The following FHOD3 variants were observed in gnomAD, a reference collection of about 807,000 sequenced individuals.
FHOD3 encodes FH1/FH2 domain-containing protein 3.
Under a neutral mutation model 173.0 loss-of-function variants are expected in FHOD3, and 90 were observed. The ratio of observed to expected loss-of-function variants is 0.52; its 90% CI spans 0.44 to 0.62. The LOEUF (loss-of-function observed/expected upper bound fraction) is 0.62, where lower values mean the gene tolerates loss of function less well. Among genes scored for constraint, FHOD3 ranks in the 20% least tolerant of loss-of-function variants. FHOD3 has a pLI of 0.00. For missense variants in FHOD3, 1,945 were observed against 2,034.7 expected (o/e 0.96, Z 0.85); for synonymous variants, 828 against 823.0 (o/e 1.01, Z -0.10).
intron 5 of FHOD3, among the ~76,000 whole-genome samples, chr18:36,569,183 G>A (rs2058372432): frequency 6.6e-6 from 1 of 152,024 alleles, no homozygotes; most frequent in Non-Finnish European, 1.5e-5. Context: ...TTAAAAGACA[G>A]ACATTAATGA....
intron 19 of FHOD3, among the ~76,000 whole-genome samples, chr18:36,724,076 GTCT>G (rs2040927083): frequency 6.6e-6 from 1 of 152,174 alleles, no homozygotes; most frequent in South Asian, 2.1e-4. Flanking sequence ...TCAAGTTTGA[GTCT>G]TTACTTGCAG....
intron 27 of FHOD3, among the ~76,000 whole-genome samples, chr18:36,769,049 C>T (rs571661123): frequency 9.0e-4 from 137 of 152,292 alleles, no homozygotes; most frequent in Middle Eastern, 6.8e-3. Flanking sequence ...TGGGTTTGCT[C>T]AGAGCCTGCA....
intron 6 of FHOD3, among the ~76,000 whole-genome samples, chr18:36,592,657 C>T (rs1342460037): frequency 6.6e-6 from 1 of 152,168 alleles, no homozygotes; most frequent in Non-Finnish European, 1.5e-5. Context: ...AGCACTTAGG[C>T]TCTTCCAGCA....
intron 3 of FHOD3, among the ~76,000 whole-genome samples, chr18:36,430,252 T>C (rs986726709): frequency 3.3e-5 from 5 of 152,254 alleles, no homozygotes; most frequent in African/African-American, 1.2e-4. Flanking sequence ...ATTTTGGTCT[T>C]GTTGCCCAGT....
At chr18:36,354,171 C>T (rs1198367313) in intron 1 of FHOD3, among the ~76,000 whole-genome samples, 1 of 152,190 alleles carries the variant, frequency 6.6e-6, no homozygotes, top group Non-Finnish European at 1.5e-5. Flanking sequence ...TTGATACAAG[C>T]TGCATTTTGC....
chr18:36,653,018 C>T, intron 12 of FHOD3, 89 bp downstream of exon 12: 2 of 1,436,550 alleles, frequency 1.4e-6, no homozygotes, highest in South Asian at 1.5e-5. Context: ...TGGCTTCTGC[C>T]ATGTTTTTTT....
chr18:36,547,021 C>G (rs1959850250), intron 5 of FHOD3, among the ~76,000 whole-genome samples: 1 of 152,202 alleles, frequency 6.6e-6, no homozygotes, highest in African/African-American at 2.4e-5. Context: ...AGCGCTGACC[C>G]CGCTGAGGGT....
In FHOD3 at chr18:36,622,696, G is replaced by A. The variant is rs77338431; in HGVS notation, c.958-2815G>A. Among the ~76,000 whole-genome samples the A allele has an allele frequency of 8.4e-3, 1,281 of 152,236 alleles. 9 individuals are homozygous for A. Among genetic ancestry groups the A allele is most frequent in the African/African-American group, 0.03 (1,226 of 41,530 alleles). On this transcript the variant is annotated intron_variant, in intron 9 of 28. Transcript: ENST00000590592. ...TACTCATTGCGCTGTATTTGATTAG[G>A]TCTGACTCTTACCACATGTCCTAAA... is the stretch of plus-strand genomic sequence containing the variant.
intron 19 of FHOD3, 101 bp from the exon 20 acceptor site, chr18:36,730,545 T>C: frequency 2.5e-6 from 3 of 1,205,840 alleles, no homozygotes; most frequent in Non-Finnish European, 3.5e-6. Flanking sequence ...TGGGGCCATT[T>C]GTTTTCATCT....
chr18:36,626,710 T>C (rs116447277), intron 10 of FHOD3, among the ~76,000 whole-genome samples: 2 of 152,170 alleles, frequency 1.3e-5, no homozygotes, highest in Admixed American at 6.5e-5. Flanking sequence ...ATAGAGATCC[T>C]CCTGGGAGTC....
chr18:36,718,340 TC>T lies in FHOD3; in HGVS notation c.3043del (p.His1015ThrfsTer53), dbSNP rs1159541001. On this transcript the variant is annotated frameshift_variant, in exon 19 of 29. Coordinates refer to ENST00000590592, the MANE Select transcript of FHOD3 (RefSeq NM_001281740.3). LOFTEE classifies it high-confidence loss of function. ...DIDVLDVDLG[H>X]REAPGPPPPP... ...TTGATGTCCTAGATGTGGACCTGGG[TC>T]ACAGGGAGGCCCCTGGGCCACCTCC... The T allele has an allele frequency of 6.2e-7, 1 of 1,613,434 alleles. No individual in the cohort carries two copies. The highest frequency in any genetic ancestry group is 1.7e-5 in the Admixed American group (1 of 60,014).
At chr18:36,721,812 T>C (rs1323717547) in intron 19 of FHOD3, among the ~76,000 whole-genome samples, 2 of 152,186 alleles carry the variant, frequency 1.3e-5, no homozygotes, top group Admixed American at 1.3e-4. Context: ...GGCTCAGAAA[T>C]TTTTAAATTA....
In FHOD3 at chr18:36,625,495, T is replaced by G. The variant is rs761691905; in HGVS notation, c.958-16T>G. On this transcript the variant is annotated splice_polypyrimidine_tract_variant and intron_variant, in intron 9 of 28. Transcript: ENST00000590592. ...GCCAAGCCTGACCTTGCACTGGGCGTGCTCTGCTTTTCCAGGTGGCGCTCA... is the reference window on the plus strand; with the variant it reads ...GCCAAGCCTGACCTTGCACTGGGCGGGCTCTGCTTTTCCAGGTGGCGCTCA... The G allele has an allele frequency of 7.1e-7, 1 of 1,406,748 alleles. No individual in the cohort carries two copies. The highest frequency in any genetic ancestry group is 9.4e-7 in the Non-Finnish European group (1 of 1,065,402). 87.1% of individuals were successfully genotyped at this position (1,406,748 alleles called of 1,614,324 possible). A position where few individuals can be genotyped will look rare whatever the true frequency, so the allele number is the denominator to read the frequency against.
chr18:36,400,812 T>C (rs1044142811), intron 3 of FHOD3, among the ~76,000 whole-genome samples: 2 of 152,032 alleles, frequency 1.3e-5, no homozygotes, highest in Non-Finnish European at 2.9e-5. Flanking sequence ...TCTTTTTCTC[T>C]CCATGGACAG....
chr18:36,315,866 C>T (rs1017148026), intron 1 of FHOD3, among the ~76,000 whole-genome samples: 7 of 152,140 alleles, frequency 4.6e-5, no homozygotes, highest in Admixed American at 1.3e-4. Flanking sequence ...TGATTGGTGT[C>T]TGTGACTCCT....
chr18:36,768,226 G>A (rs906844063), intron 27 of FHOD3, among the ~76,000 whole-genome samples: 27 of 152,272 alleles, frequency 1.8e-4, no homozygotes, highest in African/African-American at 6.0e-4. Flanking sequence ...ATTCACTATC[G>A]TATAGAAGAG....
At chr18:36,321,011 A>C (rs995457222) in intron 1 of FHOD3, among the ~76,000 whole-genome samples, 4 of 152,082 alleles carry the variant, frequency 2.6e-5, no homozygotes, top group African/African-American at 9.7e-5. Context: ...CTCATCTGCA[A>C]AATGAGAAAA....
intron 5 of FHOD3, among the ~76,000 whole-genome samples, chr18:36,519,955 A>ATT (rs11449846): frequency 0.32 from 41,628 of 131,986 alleles, 7,276 homozygotes; most frequent in Non-Finnish European, 0.39. Context: ...CTTTTCTTTC[A>ATT]TTTTTTTTTT....
intron 3 of FHOD3, among the ~76,000 whole-genome samples, chr18:36,491,986 G>T (rs1202732691): frequency 6.6e-6 from 1 of 152,120 alleles, no homozygotes; most frequent in Non-Finnish European, 1.5e-5. Context: ...TGGTAGAGTA[G>T]GGCTATGTAT....
Sources: gnomAD v4.1 joint callset for allele counts (sites outside exome capture counted in the v4.1 genomes callset) on GRCh38, gnomAD v4.1.1 for gene constraint, MANE v1.5 for transcripts, NCBI Gene and HGNC (gene_info 2026-07-23, HGNC 2026-07-21) for gene names.